Variants in OTUD7B observed in about 807,000 individuals in gnomAD.
OTUD7B encodes the protein OTU domain-containing protein 7B.
Under a neutral mutation model 82.2 loss-of-function variants are expected in OTUD7B, and 34 were observed. That is an observed-to-expected ratio of 0.41 (90% CI 0.31 to 0.55). The LOEUF is 0.55. Among genes scored for constraint, OTUD7B ranks in the 20% least tolerant of loss-of-function variants. OTUD7B has a pLI of 0.20. For synonymous variants in OTUD7B, 398 were observed against 402.7 expected (o/e 0.99, Z 0.14); for missense variants, 944 against 1,062.1 (o/e 0.89, Z 1.55).
At chr1:150,042,177 C>T in the OTUD7B span, among the ~76,000 whole-genome samples, 1 of 123,454 alleles carries the variant, frequency 8.1e-6, no homozygotes, top group African/African-American at 3.4e-5. Context: ...CTTCCTCCCT[C>T]CCTTCCTCCC....
chr1:149,950,639 T>G (rs1648119239), intron 7 of OTUD7B, among the ~76,000 whole-genome samples: 1 of 152,130 alleles, frequency 6.6e-6, no homozygotes, highest in South Asian at 2.1e-4. Context: ...CAAACACAAT[T>G]CCTTTCCTAT....
the OTUD7B span, among the ~76,000 whole-genome samples, chr1:150,021,842 G>T: frequency 5.3e-5 from 8 of 152,218 alleles, 1 homozygote; most frequent in African/African-American, 1.9e-4. Flanking sequence ...GAGAAAAAAG[G>T]TGTGAATGTT....
chr1:150,052,209 T>A, the OTUD7B span, among the ~76,000 whole-genome samples: 6 of 152,154 alleles, frequency 3.9e-5, no homozygotes, highest in Admixed American at 2.6e-4. Context: ...GGCATCTGAA[T>A]AGCAAGAGAG....
At chr1:150,004,467 C>G (rs183254201) in intron 1 of OTUD7B, among the ~76,000 whole-genome samples, 2 of 151,582 alleles carry the variant, frequency 1.3e-5, no homozygotes, top group Non-Finnish European at 2.9e-5. Flanking sequence ...GGCTGAGGCA[C>G]GAGAATCACT....
the OTUD7B span, chr1:150,048,326 T>C: frequency 6.6e-6 from 1 of 152,312 alleles, no homozygotes; most frequent in African/African-American, 2.4e-5. Context: ...AGGAAAAACA[T>C]TTCCTAAGAA....
intron 1 of OTUD7B, among the ~76,000 whole-genome samples, chr1:149,995,748 C>T (rs1651882375): frequency 6.6e-6 from 1 of 152,082 alleles, no homozygotes; most frequent in Admixed American, 6.6e-5. Flanking sequence ...ATCCTTGCAC[C>T]TGTTCTGAAG....
the OTUD7B span, among the ~76,000 whole-genome samples, chr1:150,015,846 T>A: frequency 6.6e-6 from 1 of 152,166 alleles, no homozygotes; most frequent in Non-Finnish European, 1.5e-5. Context: ...CCCTTCCCCT[T>A]GCCAGTGCTT....
chr1:150,051,229 C>CAAAAAAAAAAAAAAAAAAAAA, the OTUD7B span, among the ~76,000 whole-genome samples: 2 of 97,004 alleles, frequency 2.1e-5, 1 homozygote, highest in Non-Finnish European at 3.9e-5. Context: ...GACTTCGCCT[C>CAAAAAAAAAAAAAAAAAAAAA]AAAAAAAAAA....
At chr1:149,956,170 T>A (rs1553774522) in intron 7 of OTUD7B, among the ~76,000 whole-genome samples, 1 of 152,170 alleles carries the variant, frequency 6.6e-6, no homozygotes, top group Non-Finnish European at 1.5e-5. Context: ...CAGTGGCTGG[T>A]ATCGGTTGTT....
rs113397268 is a variant in OTUD7B, at chr1:150,004,243, A to G, written c.-67+6205T>C. On this transcript the variant is annotated intron_variant, in intron 1 of 11. Coordinates refer to ENST00000581312, the MANE Select transcript of OTUD7B (RefSeq NM_020205.4). ...ATTAGTATCATCATACTGCTATTCT[A>G]TTCAAAAATCTTCTACCATTTAAAA... Among the ~76,000 whole-genome samples, 6 of 152,146 alleles carry G rather than the reference A, an allele frequency of 3.9e-5. 2 individuals are homozygous for G. Among genetic ancestry groups the G allele is most frequent in the African/African-American group, 1.4e-4 (6 of 41,502 alleles).
chr1:149,976,633 A>AAAAAAAAAAT (rs1176193849), intron 2 of OTUD7B, among the ~76,000 whole-genome samples: 1 of 102,646 alleles, frequency 9.7e-6, no homozygotes, highest in Non-Finnish European at 1.9e-5. Context: ...AAAAAAAAAT[A>AAAAAAAAAAT]CTAGAACATT....
At chr1:150,041,947 CT>C in the OTUD7B span, among the ~76,000 whole-genome samples, 1 of 122,172 alleles carries the variant, frequency 8.2e-6, no homozygotes, top group African/African-American at 2.6e-5. Flanking sequence ...TTGAATGCCA[CT>C]TTCTGTACAC....
chr1:150,006,284 C>T (rs1202129211), intron 1 of OTUD7B, among the ~76,000 whole-genome samples: 1 of 152,132 alleles, frequency 6.6e-6, no homozygotes, highest in Non-Finnish European at 1.5e-5. Flanking sequence ...GGTGAAACCC[C>T]GTCTCTACTA....
At chr1:149,960,388 CCTTTTTTT>C (rs1649061652) in intron 6 of OTUD7B, among the ~76,000 whole-genome samples, 1,684 of 13,248 alleles carry the variant, frequency 0.13, 222 homozygotes, top group Admixed American at 0.3. Flanking sequence ...TCTTTTCTTT[CCTTTTTTT>C]CTTTTTTTTT....
rs1553769785 is a variant in OTUD7B, at chr1:149,938,840, G to A, written c.*5017C>T. 2 of 148,212 alleles carry A rather than the reference G, an allele frequency of 1.3e-5. No individual in the cohort carries two copies. Among genetic ancestry groups the A allele is most frequent in the Non-Finnish European group, 1.5e-5 (1 of 67,940 alleles). 9.2% of individuals were successfully genotyped at this position (148,212 alleles called of 1,614,324 possible). A position where few individuals can be genotyped will look rare whatever the true frequency, so the allele number is the denominator to read the frequency against. ...CCAGCTACTCGGGAGCCTGAGGCAG[G>A]AGAATCGCTTGAACCCAGGAGACGA... On this transcript the variant is annotated 3_prime_UTR_variant, in exon 12 of 12. Transcript: ENST00000581312.
At chr1:150,061,945 C>T in the OTUD7B span, among the ~76,000 whole-genome samples, 116 of 152,296 alleles carry the variant, frequency 7.6e-4, no homozygotes, top group Non-Finnish European at 1.3e-3. Context: ...AAGATATAAG[C>T]CCTGGGTCTG....
intron 9 of OTUD7B, 131 bp from the exon 10 acceptor site, chr1:149,949,214 C>G: frequency 3.2e-6 from 2 of 630,014 alleles, no homozygotes; most frequent in East Asian, 5.5e-5. Flanking sequence ...ACGTGAATTA[C>G]CCCGGTATTA....
At chr1:149,969,252 G>A (rs1434952703) in intron 3 of OTUD7B, among the ~76,000 whole-genome samples, 2 of 152,102 alleles carry the variant, frequency 1.3e-5, no homozygotes, top group Non-Finnish European at 2.9e-5. Flanking sequence ...GAGCCTAGGA[G>A]GTTTAGGCTG....
intron 7 of OTUD7B, among the ~76,000 whole-genome samples, chr1:149,957,936 C>T (rs1041661651): frequency 3.9e-5 from 6 of 152,232 alleles, no homozygotes; most frequent in Non-Finnish European, 8.8e-5. Context: ...CCGTCTGTCA[C>T]GGCTTCCCTT....
Sources: allele counts gnomAD v4.1 joint callset (sites outside exome capture counted in the v4.1 genomes callset), GRCh38; gene constraint gnomAD v4.1.1; transcripts MANE v1.5; gene names NCBI Gene and HGNC (gene_info 2026-07-23, HGNC 2026-07-21).